GRID2IP: variants seen among roughly 807,000 people sequenced by gnomAD.
The protein encoded by GRID2IP is Grid2 interacting protein.
GRID2IP carries 78 observed loss-of-function variants against 114.3 expected under a neutral mutation model. The ratio of observed to expected loss-of-function variants is 0.68; its 90% CI spans 0.57 to 0.82. The LOEUF (loss-of-function observed/expected upper bound fraction) is 0.82, where lower values mean the gene tolerates loss of function less well. Among genes scored for constraint, GRID2IP ranks in the 40% least tolerant of loss-of-function variants. The probability of loss-of-function intolerance (pLI) is 0.00; values close to 1 mark genes in which losing one functional copy is unlikely to be tolerated. For missense variants in GRID2IP, 1,727 were observed against 1,678.5 expected (o/e 1.03, Z -0.51); for synonymous variants, 809 against 724.0 (o/e 1.12, Z -1.89).
intron 1 of GRID2IP, among the ~76,000 whole-genome samples, chr7:6,550,702 G>T (rs1779960608): frequency 6.7e-6 from 1 of 148,282 alleles, no homozygotes; most frequent in Non-Finnish European, 1.5e-5. Flanking sequence ...GGTGGCAAAC[G>T]CCTGTAATCT....
Position 6,532,480 on chromosome 7 carries a change from A to G in GRID2IP, c.585-5711T>C, listed in dbSNP as rs534525045. Among the ~76,000 whole-genome samples the G allele has an allele frequency of 9.2e-5, 14 of 151,908 alleles. No homozygotes were observed. Among genetic ancestry groups the G allele is most frequent in the African/African-American group, 3.4e-4 (14 of 41,418 alleles). On this transcript the variant is annotated intron_variant, in intron 2 of 21. Coordinates refer to ENST00000457091, the MANE Select transcript of GRID2IP (RefSeq NM_001145118.2). The surrounding 1 kb of genome is among the most constrained non-coding windows in gnomAD (Gnocchi z 4.4). ...CTGTCCACGCACTGCTCCCCAATAC[A>G]CTGCAGCCCCCCATTCCTGGCCCTT...
chr7:6,499,092 A>C (rs939702688), intron 20 of GRID2IP, among the ~76,000 whole-genome samples: 7 of 152,274 alleles, frequency 4.6e-5, no homozygotes, highest in African/African-American at 1.7e-4. Flanking sequence ...GCTTTGTTCC[A>C]AGCTTGTTGA....
At chr7:6,540,924 C>T (rs1779807428) in intron 1 of GRID2IP, among the ~76,000 whole-genome samples, 1 of 152,036 alleles carries the variant, frequency 6.6e-6, no homozygotes, top group Admixed American at 6.6e-5. Context: ...GCAGCTTCCA[C>T]CTCCTGGGCT....
Position 6,506,018 on chromosome 7 carries a change from C to T in GRID2IP, c.2545-111G>A. The T allele has an allele frequency of 1.4e-6, 1 of 693,174 alleles. No individual in the cohort carries two copies. The highest frequency in any genetic ancestry group is 1.7e-5 in the South Asian group (1 of 57,174). The allele number at this position is 693,174 out of a possible 1,614,324, so 42.9% of individuals were successfully genotyped here. ...TAGGGGCTTCCCGAGCAAAAGCACC[C>T]ATCAGGTGCTGGGATAAAGCCCGGA... On this transcript the variant is annotated intron_variant, in intron 13 of 21. Transcript: ENST00000457091. This position sits in a 1 kb window ranked among gnomAD's most constrained non-coding sequence, Gnocchi z 5.2.
In GRID2IP at chr7:6,502,887, G is replaced by A. The variant is rs764822053; in HGVS notation, c.3064-15C>T. ...GCCAACACAAACTGTGGACAAGAAG[G>A]TGGGTAGGTCCTGTCCTCACCCCAC... On this transcript the variant is annotated splice_polypyrimidine_tract_variant and intron_variant, in intron 17 of 21. Coordinates refer to ENST00000457091, the MANE Select transcript of GRID2IP (RefSeq NM_001145118.2). The A allele has an allele frequency of 1.3e-6, 2 of 1,549,452 alleles. No individual in the cohort carries two copies. Among genetic ancestry groups the A allele is most frequent in the Non-Finnish European group, 1.7e-6 (2 of 1,144,842 alleles).
chr7:6,541,744 GGTC>G (rs771146113), intron 1 of GRID2IP, among the ~76,000 whole-genome samples: 9 of 152,174 alleles, frequency 5.9e-5, no homozygotes, highest in Non-Finnish European at 1.2e-4. Flanking sequence ...GCATGCAAAT[GGTC>G]ACGTTTCTGG....
At position 6,551,046 on chromosome 7, in the gene GRID2IP, G is replaced by C. The variant is rs1275484412; in HGVS notation, c.391C>G (p.Arg131Gly). 3 of 1,292,944 alleles carry C rather than the reference G, an allele frequency of 2.3e-6. No individual in the cohort carries two copies. The highest frequency in any genetic ancestry group is 2.9e-6 in the Non-Finnish European group (3 of 1,023,354). The allele number at this position is 1,292,944 out of a possible 1,614,324, so 80.1% of individuals were successfully genotyped here. A position where few individuals can be genotyped will look rare whatever the true frequency, so the allele number is the denominator to read the frequency against. Residue 131 changes from arginine (R) to glycine (G), a missense_variant, in exon 1 of 22, where the codon CGA becomes GGA. By Grantham distance (125) the Arg-to-Gly change is moderately radical. Coordinates refer to ENST00000457091, the MANE Select transcript of GRID2IP (RefSeq NM_001145118.2). ...AGRKRPDAVH[R>G]ERRRKAQEFS... ...TCTTGGGCCTTGCGCCTGCGCTCTC[G>C]GTGCACCGCGTCCGGGCGCTTGCGG... is the stretch of plus-strand genomic sequence containing the variant.
Position 6,539,717 on chromosome 7 carries a change from C to A in GRID2IP, c.584+1G>T. On this transcript the variant is annotated splice_donor_variant, in intron 2 of 21. Transcript: ENST00000457091. LOFTEE classifies it high-confidence loss of function. ...TCTATCCTGCCCCCTGCCCGCAGTA[C>A]CTGAGGTTGTCCAGGAGTGGCCCGC... The A allele has an allele frequency of 6.5e-7, 1 of 1,547,646 alleles. No individual in the cohort carries two copies. The highest frequency in any genetic ancestry group is 8.7e-7 in the Non-Finnish European group (1 of 1,145,748).
At chr7:6,513,050 G>T (rs889725323) in intron 8 of GRID2IP, among the ~76,000 whole-genome samples, 1 of 152,076 alleles carries the variant, frequency 6.6e-6, no homozygotes, top group Non-Finnish European at 1.5e-5. Context: ...CTGAGTGCAG[G>T]GGTTTGTGGG....
intron 1 of GRID2IP, among the ~76,000 whole-genome samples, chr7:6,548,989 A>C (rs1779928516): frequency 6.6e-6 from 1 of 152,024 alleles, no homozygotes; most frequent in African/African-American, 2.4e-5. Context: ...CTAGTCGCAC[A>C]CAGGATCACT....
At chr7:6,538,800 G>C (rs1412809029) in intron 2 of GRID2IP, among the ~76,000 whole-genome samples, 2 of 151,982 alleles carry the variant, frequency 1.3e-5, no homozygotes, top group African/African-American at 4.8e-5. Context: ...CTTGAACCGG[G>C]GAGGCAGAGG....
At position 6,509,156 on chromosome 7, in the gene GRID2IP, T is replaced by C. The variant is rs1008811362; in HGVS notation, c.1929A>G (p.Pro643=). The change falls in exon 12 of 22, where the codon CCA becomes CCG. Residue 643 remains proline (P), a synonymous_variant. Transcript: ENST00000457091. This position sits in a 1 kb window ranked among gnomAD's most constrained non-coding sequence, Gnocchi z 4.9. ...TGTCGGGGCAGATGGGCCCGGGGCC[T>C]GGCTGTGGGGAGGGTGCCCTGCTGC... The part of the protein sequence containing the change: ...LDSSRAPSPQ[P]GPGPICPDSP... The C allele has an allele frequency of 1.4e-6, 2 of 1,469,068 alleles. No individual in the cohort carries two copies. Among genetic ancestry groups the C allele is most frequent in the Non-Finnish European group, 1.8e-6 (2 of 1,109,406 alleles). 91.0% of individuals were successfully genotyped at this position (1,469,068 alleles called of 1,614,324 possible).
At chr7:6,541,900 C>G (rs978179050) in intron 1 of GRID2IP, among the ~76,000 whole-genome samples, 8 of 152,188 alleles carry the variant, frequency 5.3e-5, no homozygotes, top group Non-Finnish European at 8.8e-5. Context: ...ATTTCTAACA[C>G]TAAGACGTTG....
chr7:6,551,110 G>A lies in GRID2IP; in HGVS notation c.327C>T (p.Arg109=). ...GCAGCTCACGGCCCAGAGCTAGGCC[G>A]CGGCCGCACCGCGGGGCCCGCAAGA... is the stretch of plus-strand genomic sequence containing the variant. ...TTVLRAPRCG[R]GLALGRELLR... is the part of the protein sequence containing the mutation. The change falls in exon 1 of 22, where the codon CGC becomes CGT. Residue 109 remains arginine, a synonymous_variant. Transcript: ENST00000457091. The A allele has an allele frequency of 3.1e-6, 4 of 1,297,080 alleles. No individual in the cohort carries two copies. The highest frequency in any genetic ancestry group is 4.7e-5 in the South Asian group (2 of 42,886). 80.3% of individuals were successfully genotyped at this position (1,297,080 alleles called of 1,614,324 possible).
At chr7:6,503,771 G>T in intron 15 of GRID2IP, 84 bp from the exon 16 acceptor site, 1 of 1,061,946 alleles carries the variant, frequency 9.4e-7, no homozygotes. Context: ...GGGCAGAGGC[G>T]GGGAGAGGGC....
intron 21 of GRID2IP, 108 bp from the exon 22 acceptor site, chr7:6,497,953 T>C (rs554504219): frequency 7.2e-7 from 1 of 1,393,320 alleles, no homozygotes. Context: ...TAGGGGGACA[T>C]GTCGCTCACT....
In GRID2IP at chr7:6,508,035, G is replaced by A. The variant is rs1192312002; in HGVS notation, c.2494C>T (p.Arg832Cys). The change falls in exon 13 of 22, where the codon CGC becomes TGC. Residue 832 changes from arginine (R) to cysteine (C), a missense_variant. Physicochemically the swap from Arg to Cys is radical, Grantham distance 180. Coordinates refer to ENST00000457091, the MANE Select transcript of GRID2IP (RefSeq NM_001145118.2). This position sits in a 1 kb window ranked among gnomAD's most constrained non-coding sequence, Gnocchi z 5.6. ...RSETSHMSVK[R>C]LRWEQVENSE... ...TTCTCCACCTGTTCCCACCGCAAGC[G>A]CTTGACGCTCATGTGGCTGGTCTCA... 5.8e-6 allele frequency: 9 copies of A among 1,549,546 alleles called. No homozygotes were observed. Among genetic ancestry groups the A allele is most frequent in the South Asian group, 3.6e-5 (3 of 84,042 alleles).
In GRID2IP at chr7:6,534,532, C is replaced by T. The variant is rs988092612; in HGVS notation, c.584+5186G>A. On this transcript the variant is annotated intron_variant, in intron 2 of 21. Coordinates refer to ENST00000457091, the MANE Select transcript of GRID2IP (RefSeq NM_001145118.2). The surrounding 1 kb of genome is among the most constrained non-coding windows in gnomAD (Gnocchi z 4.5). ...ACATGGTGACCACGGACCCATCTCA[C>T]CCTTTACAGCAGCAGCGCTGTCCAA... Among the ~76,000 whole-genome samples, 5 of 152,172 alleles carry T rather than the reference C, an allele frequency of 3.3e-5. No homozygotes were observed. The highest frequency in any genetic ancestry group is 5.9e-5 in the Non-Finnish European group (4 of 68,038).
In GRID2IP at chr7:6,497,744, C is replaced by T; in HGVS notation, c.*30G>A. Reference sequence around the variant, plus strand: ...CCCTCTCGGCCTCCATCTCCCTGCTCAGGCCGCAGAGGACGCGGTGTGGCC... The same window carrying T: ...CCCTCTCGGCCTCCATCTCCCTGCTTAGGCCGCAGAGGACGCGGTGTGGCC... On this transcript the variant is annotated 3_prime_UTR_variant, in exon 22 of 22. Coordinates refer to ENST00000457091, the MANE Select transcript of GRID2IP (RefSeq NM_001145118.2). The T allele has an allele frequency of 6.6e-7, 1 of 1,524,622 alleles. No individual in the cohort carries two copies. Among genetic ancestry groups the T allele is most frequent in the East Asian group, 2.5e-5 (1 of 40,570 alleles). 94.4% of individuals were successfully genotyped at this position (1,524,622 alleles called of 1,614,324 possible). A position where few individuals can be genotyped will look rare whatever the true frequency, so the allele number is the denominator to read the frequency against.
Sources: allele counts gnomAD v4.1 joint callset (sites outside exome capture counted in the v4.1 genomes callset), GRCh38; gene constraint gnomAD v4.1.1; non-coding constraint Gnocchi (gnomAD v3.1); transcripts MANE v1.5; gene names NCBI Gene and HGNC (gene_info 2026-07-23, HGNC 2026-07-21).